The following GPR137B variants were observed in gnomAD, a reference collection of about 807,000 sequenced individuals.
GPR137B encodes integral membrane protein GPR137B.
In GPR137B, 42 loss-of-function variants were observed where a neutral mutation model predicts 42.5. The ratio of observed to expected loss-of-function variants is 0.99; its 90% CI spans 0.77 to 1.28. GPR137B has a LOEUF of 1.28. GPR137B is among the 50% of genes most tolerant of loss of function. GPR137B has a pLI of 0.00. For missense variants in GPR137B, 487 were observed against 493.9 expected, an observed-to-expected ratio of 0.99 and a Z score of 0.13; for synonymous variants, 218 against 209.7, an observed-to-expected ratio of 1.04 and a Z score of -0.34.
At position 236,155,701 on chromosome 1, in the gene GPR137B, G is replaced by A. The variant is rs559695643; in HGVS notation, c.414+12665G>A. Reference sequence around the variant, plus strand: ...AGGCTCAGGGAGGCTCTCGTGAGCCGATGGAGGGGTGGAGGAGGGGAGAGG... The same window carrying A: ...AGGCTCAGGGAGGCTCTCGTGAGCCAATGGAGGGGTGGAGGAGGGGAGAGG... On this transcript the variant is annotated intron_variant, in intron 1 of 6. Coordinates refer to ENST00000366592, the MANE Select transcript of GPR137B (RefSeq NM_003272.4). This position sits in a 1 kb window ranked among gnomAD's most constrained non-coding sequence, Gnocchi z 4.6. Among the ~76,000 whole-genome samples the A allele has an allele frequency of 1.3e-5, 2 of 152,282 alleles. No individual in the cohort carries two copies. Among genetic ancestry groups the A allele is most frequent in the South Asian group, 2.1e-4 (1 of 4,812 alleles).
chr1:236,208,653 T>C lies in GPR137B; in HGVS notation c.*495T>C. The stretch of plus-strand genomic sequence containing the variant: ...GTGCCACATTGGTAGACTCCTAAAA[T>C]ACAGTTGACAACTTAGCCAATTGCA... On this transcript the variant is annotated 3_prime_UTR_variant, in exon 7 of 7. Transcript: ENST00000366592. 1 of 985,934 alleles carries C rather than the reference T, an allele frequency of 1.0e-6. No homozygotes were observed. Among genetic ancestry groups the C allele is most frequent in the Non-Finnish European group, 1.2e-6 (1 of 829,982 alleles). 61.1% of individuals were successfully genotyped at this position (985,934 alleles called of 1,614,324 possible).
chr1:236,195,248 A>G (rs1309161091), intron 5 of GPR137B, among the ~76,000 whole-genome samples: 1 of 148,714 alleles, frequency 6.7e-6, no homozygotes, highest in African/African-American at 2.5e-5. Context: ...CCCATTAACC[A>G]TACTCTCCCC....
rs1661810884 is a variant in GPR137B at position 236,150,187 on chromosome 1, G to T, written c.414+7151G>T. Among the ~76,000 whole-genome samples, 1 of 149,782 alleles carries T rather than the reference G, an allele frequency of 6.7e-6. No individual in the cohort carries two copies. On this transcript the variant is annotated intron_variant, in intron 1 of 6. Coordinates refer to ENST00000366592, the MANE Select transcript of GPR137B (RefSeq NM_003272.4). This position sits in a 1 kb window ranked among gnomAD's most constrained non-coding sequence, Gnocchi z 6.2. ...TGTGTGTGCCCGTTTGTGTTTGTGTGTGTCTGTGTGCCTGTGTGTGTGTCT... is the reference window on the plus strand; with the variant it reads ...TGTGTGTGCCCGTTTGTGTTTGTGTTTGTCTGTGTGCCTGTGTGTGTGTCT...
chr1:236,150,265 G>A lies in GPR137B; in HGVS notation c.414+7229G>A, dbSNP rs1333333097. Among the ~76,000 whole-genome samples, 3 of 150,588 alleles carry A rather than the reference G, an allele frequency of 2.0e-5. No individual in the cohort carries two copies. The highest frequency in any genetic ancestry group is 4.2e-4 in the South Asian group (2 of 4,716). ...TGCCCGTGTGTGTGCCTGTGTTTGT[G>A]TGTGTCTGTGCCTGTGTGTGTCTTT... On this transcript the variant is annotated intron_variant, in intron 1 of 6. Transcript: ENST00000366592. This position sits in a 1 kb window ranked among gnomAD's most constrained non-coding sequence, Gnocchi z 6.2.
At chr1:236,199,939 A>T (rs11487717) in intron 5 of GPR137B, among the ~76,000 whole-genome samples, 2,052 of 151,684 alleles carry the variant, frequency 0.014, 84 homozygotes, top group African/African-American at 0.048. Context: ...TTGAGGTAGG[A>T]CCTTAGATTT....
At chr1:236,160,414 G>A (rs1662153492) in intron 1 of GPR137B, among the ~76,000 whole-genome samples, 1 of 151,978 alleles carries the variant, frequency 6.6e-6, no homozygotes, top group African/African-American at 2.4e-5. Flanking sequence ...TAGGCAGATG[G>A]CACTCCCATG....
At chr1:236,153,585 T>C (rs550135978) in intron 1 of GPR137B, among the ~76,000 whole-genome samples, 2 of 152,354 alleles carry the variant, frequency 1.3e-5, no homozygotes, top group South Asian at 2.1e-4. Context: ...TGCCAGACAC[T>C]GTGCAGACTG....
intron 1 of GPR137B, among the ~76,000 whole-genome samples, chr1:236,163,576 C>CG (rs1001262840): frequency 2.0e-5 from 3 of 152,118 alleles, no homozygotes; most frequent in Non-Finnish European, 4.4e-5. Flanking sequence ...AATTGAATCA[C>CG]GGGGGCCGGT....
chr1:236,178,675 T>C lies in GPR137B; in HGVS notation c.687+39T>C, dbSNP rs766846808. On this transcript the variant is annotated intron_variant, in intron 3 of 6. Coordinates refer to ENST00000366592, the MANE Select transcript of GPR137B (RefSeq NM_003272.4). The stretch of plus-strand genomic sequence containing the variant: ...TGGTCAAGATCCCTCCCATGAAACG[T>C]GTTCTAAAAAGAGTTTCCTGGTTTG... The C allele has an allele frequency of 6.2e-6, 8 of 1,289,418 alleles. No individual in the cohort carries two copies. The East Asian group carries it at 6.9e-5, about 11-fold the overall frequency. 79.9% of individuals were successfully genotyped at this position (1,289,418 alleles called of 1,614,324 possible).
chr1:236,162,076 T>G (rs1445153003), intron 1 of GPR137B, among the ~76,000 whole-genome samples: 1 of 152,186 alleles, frequency 6.6e-6, no homozygotes, highest in Non-Finnish European at 1.5e-5. Flanking sequence ...ATTGAATGGC[T>G]TTGCCCAAAA....
At chr1:236,147,609 G>A (rs1215312888) in intron 1 of GPR137B, among the ~76,000 whole-genome samples, 1 of 152,146 alleles carries the variant, frequency 6.6e-6, no homozygotes, top group Non-Finnish European at 1.5e-5. Flanking sequence ...CCTCCCACCT[G>A]TAAAAATCCC....
At chr1:236,200,090 T>C (rs1000806579) in intron 5 of GPR137B, among the ~76,000 whole-genome samples, 1 of 152,040 alleles carries the variant, frequency 6.6e-6, no homozygotes, top group Admixed American at 6.5e-5. Context: ...TTAATTTCCA[T>C]CTTGATTTCA....
chr1:236,193,523 T>C (rs1248938529), intron 5 of GPR137B, among the ~76,000 whole-genome samples: 1 of 152,156 alleles, frequency 6.6e-6, no homozygotes, highest in Non-Finnish European at 1.5e-5. Flanking sequence ...TCCTCCACGC[T>C]CCTAGCACTT....
Position 236,173,416 on chromosome 1 carries a change from G to GAGAGGA in GPR137B, c.464+4663_464+4664insAGGAAG, listed in dbSNP as rs1553363541. Reference sequence around the variant, plus strand: ...AGGTAGGGAAAGAGAGAGAGAGAGAGAGGAAGGAGGGAGGGAGGGAAGGAG... The same window carrying GAGAGGA: ...AGGTAGGGAAAGAGAGAGAGAGAGAGAGAGGAAGGAAGGAGGGAGGGAGGGAAGGAG... On this transcript the variant is annotated intron_variant, in intron 2 of 6. Transcript: ENST00000366592. Among the ~76,000 whole-genome samples, 439 of 149,458 alleles carry GAGAGGA rather than the reference G, an allele frequency of 2.9e-3. 3 individuals carry two copies. Among genetic ancestry groups the GAGAGGA allele is most frequent in the African/African-American group, 0.01 (410 of 40,544 alleles).
chr1:236,168,197 T>G (rs1239440207), intron 1 of GPR137B, among the ~76,000 whole-genome samples: 1 of 151,874 alleles, frequency 6.6e-6, no homozygotes, highest in Non-Finnish European at 1.5e-5. Context: ...GAGGCTGAGG[T>G]GGGCAGATCA....
At chr1:236,193,003 C>G (rs959158347) in intron 5 of GPR137B, among the ~76,000 whole-genome samples, 1 of 151,904 alleles carries the variant, frequency 6.6e-6, no homozygotes, top group Non-Finnish European at 1.5e-5. Flanking sequence ...CAAGCGATTC[C>G]CCTGCCTCAG....
rs756797096 is a variant in GPR137B, at chr1:236,208,082, AAACT to A, written c.1128_1131del (p.Asn377AlafsTer26). ...CCAGATTACTATGATTGGGGACAAC[AAACT>A]AACAGCTTCCTGGCACAAGCAGGAA... On this transcript the variant is annotated frameshift_variant, in exon 7 of 7. Coordinates refer to ENST00000366592, the MANE Select transcript of GPR137B (RefSeq NM_003272.4). LOFTEE classifies it high-confidence loss of function. 3.1e-6 allele frequency: 5 copies of A among 1,613,542 alleles called. No individual in the cohort carries two copies. Among genetic ancestry groups the A allele is most frequent in the Non-Finnish European group, 3.4e-6 (4 of 1,179,508 alleles).
intron 1 of GPR137B, among the ~76,000 whole-genome samples, chr1:236,148,452 G>A (rs939021600): frequency 4.3e-4 from 66 of 152,172 alleles, no homozygotes; most frequent in African/African-American, 1.5e-3. Flanking sequence ...GCTTTGTCTT[G>A]GGCCCTATGA....
intron 5 of GPR137B, among the ~76,000 whole-genome samples, chr1:236,190,647 T>C (rs10924675): frequency 0.33 from 50,462 of 152,056 alleles, 8,958 homozygotes; most frequent in East Asian, 0.6. Context: ...TTTAAGAATG[T>C]TGAATATTGG....
Sources: allele counts gnomAD v4.1 joint callset (sites outside exome capture counted in the v4.1 genomes callset), GRCh38; gene constraint gnomAD v4.1.1; non-coding constraint Gnocchi (gnomAD v3.1); transcripts MANE v1.5; gene names NCBI Gene and HGNC (gene_info 2026-07-23, HGNC 2026-07-21).